Variants in ZNF563 observed in about 807,000 individuals in gnomAD.
The protein encoded by ZNF563 is zinc finger protein 563.
In ZNF563, 39 loss-of-function variants were observed where a neutral mutation model predicts 48.5. The ratio of observed to expected loss-of-function variants is 0.80; its 90% CI spans 0.62 to 1.05. The LOEUF (loss-of-function observed/expected upper bound fraction) is 1.05. Ranked by LOEUF, ZNF563 falls within the 50% of genes least tolerant of loss-of-function variation. The pLI is 0.00. For synonymous variants in ZNF563, 168 were observed against 187.9 expected, an observed-to-expected ratio of 0.89 and a Z score of 0.87; for missense variants, 538 against 597.0, an observed-to-expected ratio of 0.90 and a Z score of 1.03.
the ZNF563 span, chr19:12,347,182 A>G: frequency 1.3e-5 from 2 of 152,182 alleles, no homozygotes; most frequent in African/African-American, 2.4e-5. Context: ...GAATACTTCA[A>G]TGAAACAGCT....
Position 12,318,132 on chromosome 19 carries a change from A to G in ZNF563, c.*462T>C. On this transcript the variant is annotated 3_prime_UTR_variant, in exon 4 of 4. Coordinates refer to ENST00000293725, the MANE Select transcript of ZNF563 (RefSeq NM_145276.3). Reference sequence around the variant, plus strand: ...ATCTTCCCACCTCAGCCTCCCAAGTAGCTGGGACTACAGGGGCATACCACC... The same window carrying G: ...ATCTTCCCACCTCAGCCTCCCAAGTGGCTGGGACTACAGGGGCATACCACC... 5.8e-6 allele frequency: 1 copy of G among 173,438 alleles called. No individual in the cohort carries two copies. The highest frequency in any genetic ancestry group is 1.2e-5 in the Non-Finnish European group (1 of 81,662). The allele number at this position is 173,438 out of a possible 1,614,324, so 10.7% of individuals were successfully genotyped here. A position where few individuals can be genotyped will look rare whatever the true frequency, so the allele number is the denominator to read the frequency against.
the ZNF563 span, among the ~76,000 whole-genome samples, chr19:12,345,434 C>T: frequency 0.048 from 7,250 of 152,136 alleles, 569 homozygotes; most frequent in African/African-American, 0.17. Context: ...TGCTCATATA[C>T]AGGGTGAAAT....
chr19:12,346,868 ATCTC>A, the ZNF563 span: 1 of 152,204 alleles, frequency 6.6e-6, no homozygotes, highest in Non-Finnish European at 1.5e-5. Context: ...ACTTCCACAT[ATCTC>A]TCTCTCTATG....
the ZNF563 span, among the ~76,000 whole-genome samples, chr19:12,340,098 G>A: frequency 6.6e-6 from 1 of 152,204 alleles, no homozygotes; most frequent in South Asian, 2.1e-4. Context: ...ACTTTGGGAG[G>A]CCGACATGGG....
the ZNF563 span, chr19:12,346,828 A>G: frequency 6.6e-6 from 1 of 152,258 alleles, no homozygotes; most frequent in Non-Finnish European, 1.5e-5. Flanking sequence ...TTCTAAGTGA[A>G]ATAAGCCAGA....
the ZNF563 span, among the ~76,000 whole-genome samples, chr19:12,340,778 A>G: frequency 6.8e-6 from 1 of 146,240 alleles, no homozygotes; most frequent in East Asian, 2.0e-4. Context: ...CTCCATCTCC[A>G]AAAAAAAAAA....
chr19:12,330,910 A>G (rs1968903207), intron 1 of ZNF563, among the ~76,000 whole-genome samples: 1 of 152,122 alleles, frequency 6.6e-6, no homozygotes. Context: ...AGTTTTTTCC[A>G]ATTTATTTTC....
chr19:12,321,821 AC>A (rs2145803144), intron 2 of ZNF563, among the ~76,000 whole-genome samples: 1 of 152,250 alleles, frequency 6.6e-6, no homozygotes, highest in African/African-American at 2.4e-5. Flanking sequence ...AGTCTCTGCT[AC>A]CCCTAAGACA....
chr19:12,339,413 G>A, the ZNF563 span, among the ~76,000 whole-genome samples: 2 of 151,112 alleles, frequency 1.3e-5, no homozygotes, highest in African/African-American at 4.9e-5. Flanking sequence ...CCGAGTAGCT[G>A]GGATTACAAG....
At chr19:12,324,309 T>G (rs1968714365) in intron 1 of ZNF563, among the ~76,000 whole-genome samples, 1 of 151,878 alleles carries the variant, frequency 6.6e-6, no homozygotes, top group South Asian at 2.1e-4. Flanking sequence ...TAATGAACCA[T>G]TATTGAGCCA....
chr19:12,330,045 C>T (rs1309374376), intron 1 of ZNF563, among the ~76,000 whole-genome samples: 3 of 151,994 alleles, frequency 2.0e-5, no homozygotes, highest in Admixed American at 6.6e-5. Flanking sequence ...CTCAGCCTCC[C>T]GAATAGCTGG....
In ZNF563 at chr19:12,323,304, T is replaced by C. The variant is rs938485639; in HGVS notation, c.4-593A>G. Among the ~76,000 whole-genome samples the C allele has an allele frequency of 2.6e-5, 4 of 152,220 alleles. No homozygotes were observed. The South Asian group carries it at 6.2e-4, about 24-fold the overall frequency. On this transcript the variant is annotated intron_variant, in intron 1 of 3. Transcript: ENST00000293725. The stretch of plus-strand genomic sequence containing the variant: ...TCAGCCACTGCTGAGTTTGAATGGT[T>C]GTCCCCTCCAAAACACATGTTGAAA...
At chr19:12,332,542 G>A (rs1968948675) in intron 1 of ZNF563, among the ~76,000 whole-genome samples, 1 of 151,820 alleles carries the variant, frequency 6.6e-6, no homozygotes, top group Admixed American at 6.6e-5. Context: ...GTAGAGAAGG[G>A]GTTTCGCCAT....
At chr19:12,329,037 T>C (rs1356191200) in intron 1 of ZNF563, among the ~76,000 whole-genome samples, 1 of 152,138 alleles carries the variant, frequency 6.6e-6, no homozygotes, top group Non-Finnish European at 1.5e-5. Context: ...ATCGAATGCA[T>C]TCTCTAGAAA....
At chr19:12,341,647 A>C in the ZNF563 span, among the ~76,000 whole-genome samples, 1 of 152,240 alleles carries the variant, frequency 6.6e-6, no homozygotes, top group Non-Finnish European at 1.5e-5. Context: ...AAAAGAGTCA[A>C]TACATACAGA....
At chr19:12,338,710 T>C (rs1969043974), upstream of ZNF563, among the ~76,000 whole-genome samples, 2 of 151,876 alleles carry the variant, frequency 1.3e-5, no homozygotes, top group South Asian at 4.2e-4. Context: ...AAATTAGCCA[T>C]GCATGGTGGC....
rs1599567296 is a variant in ZNF563, at chr19:12,319,806, T to G, written c.219A>C (p.Glu73Asp). 6.2e-7 allele frequency: 1 copy of G among 1,613,364 alleles called. No individual in the cohort carries two copies. The change falls in exon 4 of 4, where the codon GAA (glutamate) becomes GAC (aspartate). Residue 73 changes from glutamate to aspartate, a missense_variant. Transcript: ENST00000293725. ...LRCHMVERFSESKDSSQCGET... is the reference protein window; with the variant it reads ...LRCHMVERFSDSKDSSQCGET... Reference sequence around the variant, plus strand: ...CTCCACACTGACTACTGTCTTTACTTTCACTGAATCTCTCTACCATATGAC... The same window carrying G: ...CTCCACACTGACTACTGTCTTTACTGTCACTGAATCTCTCTACCATATGAC...
chr19:12,325,053 A>C (rs1968752138), intron 1 of ZNF563: 1 of 152,192 alleles, frequency 6.6e-6, no homozygotes, highest in South Asian at 2.1e-4. Flanking sequence ...GGATGATCAG[A>C]AGGTGTGAAA....
intron 1 of ZNF563, among the ~76,000 whole-genome samples, chr19:12,324,666 G>A (rs1027321319): frequency 2.1e-5 from 3 of 146,184 alleles, no homozygotes; most frequent in African/African-American, 7.6e-5. Flanking sequence ...GCGGTGAGCC[G>A]AGATTGCGCT....
Sources: gnomAD v4.1 joint callset for allele counts (sites outside exome capture counted in the v4.1 genomes callset) on GRCh38, gnomAD v4.1.1 for gene constraint, MANE v1.5 for transcripts, NCBI Gene and HGNC (gene_info 2026-07-23, HGNC 2026-07-21) for gene names.